The following CDKL5 variants were observed in gnomAD, a reference collection of about 807,000 sequenced individuals.
The protein encoded by CDKL5 is cyclin dependent kinase like 5, also known as cyclin-dependent kinase-like 5.
Under a neutral mutation model 61.7 loss-of-function variants are expected in CDKL5, and 8 were observed. The observed-to-expected ratio is 0.13, with a 90% CI of 0.08 to 0.23. CDKL5 has a LOEUF of 0.23. Among genes scored for constraint, CDKL5 ranks in the 10% least tolerant of loss-of-function variants. CDKL5 has a pLI of 1.00. For synonymous variants in CDKL5, 275 were observed against 272.3 expected (o/e 1.01, Z -0.10); for missense variants, 440 against 734.5 (o/e 0.60, Z 4.63).
chrX:18,569,360 A>G (rs1051946845), intron 4 of CDKL5, among the ~76,000 whole-genome samples: 8 of 111,870 alleles, frequency 7.2e-5, no homozygotes, highest in African/African-American at 1.9e-4. Context: ...CGTTCTGCTC[A>G]TTGTAATAGT....
At chrX:18,619,031 T>A (rs1444374255) in intron 15 of CDKL5, among the ~76,000 whole-genome samples, 1 of 111,307 alleles carries the variant, frequency 9.0e-6, no homozygotes, top group African/African-American at 3.3e-5. Flanking sequence ...TCATCATGTC[T>A]GAAGTTTTCT....
intron 14 of CDKL5, among the ~76,000 whole-genome samples, chrX:18,612,551 C>T (rs777772526): frequency 6.5e-5 from 7 of 108,377 alleles, no homozygotes; most frequent in Non-Finnish European, 1.3e-4. Context: ...TCCCAGCTAC[C>T]CAGGAGGCTA....
intron 12 of CDKL5, among the ~76,000 whole-genome samples, chrX:18,605,612 A>G (rs928400257): frequency 1.2e-4 from 13 of 111,786 alleles, no homozygotes; most frequent in Non-Finnish European, 2.3e-4. Flanking sequence ...AAACAAAAAC[A>G]AAAAAAACAA....
intron 21 of CDKL5, chrX:18,650,637 CTCGGAA>C: frequency 8.5e-7 from 1 of 1,170,110 alleles, no homozygotes; most frequent in Admixed American, 2.2e-5. Flanking sequence ...TGGGCTGTAC[CTCGGAA>C]TTGCCCGAGG....
At chrX:18,465,162 T>G (rs2147649775) in intron 1 of CDKL5, among the ~76,000 whole-genome samples, 1 of 111,528 alleles carries the variant, frequency 9.0e-6, no homozygotes, top group South Asian at 3.8e-4. Context: ...AATGACAGTG[T>G]CATTTGAAAA....
At chrX:18,543,361 T>C (rs1434334453) in intron 3 of CDKL5, among the ~76,000 whole-genome samples, 1 of 110,113 alleles carries the variant, frequency 9.1e-6, no homozygotes. Flanking sequence ...TTATTGGGCA[T>C]ATATGGGAGA....
At position 18,613,258 on chromosome X, in the gene CDKL5, A is replaced by T. The variant is rs1926621290; in HGVS notation, c.2259A>T (p.Gln753His). The T allele has an allele frequency of 8.3e-7, 1 of 1,199,911 alleles. No individual in the cohort carries two copies. The highest frequency in any genetic ancestry group is 1.8e-5 in the African/African-American group (1 of 56,726). ...CTGGAACCAACCACTCAAAAAGACAACCAGCATTCGATCCATGGTGAGCAT... is the reference window on the plus strand; with the variant it reads ...CTGGAACCAACCACTCAAAAAGACATCCAGCATTCGATCCATGGTGAGCAT... ...SSSGTNHSKR[Q>H]PAFDPWKSPE... The change falls in exon 15 of 18, where the codon CAA (glutamine) becomes CAT (histidine). Residue 753 changes from glutamine to histidine, a missense_variant. Physicochemically the swap from Gln to His is conservative, Grantham distance 24. This residue lies in a region of CDKL5 where 363 missense variants were observed against 516.3 expected (regional missense o/e 0.70). Coordinates refer to ENST00000623535, the MANE Select transcript of CDKL5 (RefSeq NM_001323289.2).
intron 3 of CDKL5, among the ~76,000 whole-genome samples, chrX:18,519,645 T>TAC (rs1923174608): frequency 9.0e-6 from 1 of 111,508 alleles, no homozygotes; most frequent in Admixed American, 9.6e-5. Context: ...GAGACGCATA[T>TAC]AGTCTATTTA....
chrX:18,648,511 G>A (rs1927888339), intron 20 of CDKL5, among the ~76,000 whole-genome samples: 1 of 110,963 alleles, frequency 9.0e-6, no homozygotes, highest in Non-Finnish European at 1.9e-5. Flanking sequence ...CAAGGCACTA[G>A]GGATTACAGG....
intron 1 of CDKL5, among the ~76,000 whole-genome samples, chrX:18,496,791 C>T (rs1476664054): frequency 9.0e-6 from 1 of 110,831 alleles, no homozygotes; most frequent in African/African-American, 3.3e-5. Context: ...CCCTGCTTTG[C>T]CTGACCTTAG....
intron 3 of CDKL5, among the ~76,000 whole-genome samples, chrX:18,556,098 C>T (rs754240446): frequency 1.4e-4 from 16 of 111,416 alleles, no homozygotes; most frequent in Non-Finnish European, 1.9e-5. Flanking sequence ...TAGAATGTAT[C>T]CTGTGCTTGA....
chrX:18,461,858 C>T (rs898173870), intron 1 of CDKL5, among the ~76,000 whole-genome samples: 3 of 111,836 alleles, frequency 2.7e-5, no homozygotes, highest in African/African-American at 9.7e-5. Context: ...TACCATGATA[C>T]AAGACCAACT....
chrX:18,559,165 G>C (rs1362941546), intron 3 of CDKL5, among the ~76,000 whole-genome samples: 1 of 112,178 alleles, frequency 8.9e-6, no homozygotes, highest in African/African-American at 3.2e-5. Context: ...TGCCAGTCCT[G>C]GTGGATCTCT....
At chrX:18,510,919 G>A (rs142471598) in intron 3 of CDKL5, 65 bp downstream of exon 3, 42 of 810,301 alleles carry the variant, frequency 5.2e-5, no homozygotes, top group Non-Finnish European at 3.1e-5. Context: ...CTAATGTAGT[G>A]GTCTTTGCGT....
intron 6 of CDKL5, among the ~76,000 whole-genome samples, chrX:18,580,274 T>C (rs1881914718): frequency 8.9e-6 from 1 of 111,817 alleles, no homozygotes; most frequent in Non-Finnish European, 1.9e-5. Context: ...AATGTGAACT[T>C]TGAAACTTAC....
At chrX:18,591,228 G>A (rs1925818905) in intron 9 of CDKL5, among the ~76,000 whole-genome samples, 1 of 111,612 alleles carries the variant, frequency 9.0e-6, no homozygotes, top group Admixed American at 9.5e-5. Context: ...TTCTTTACTT[G>A]TTAATTGTTA....
chrX:18,650,125 T>G, intron 20 of CDKL5: 1 of 386,377 alleles, frequency 2.6e-6, no homozygotes, highest in Non-Finnish European at 4.6e-6. Context: ...TTTTGCCATT[T>G]CTTCCCAAAT....
chrX:18,476,802 C>T (rs1205372075), intron 1 of CDKL5, among the ~76,000 whole-genome samples: 2 of 111,374 alleles, frequency 1.8e-5, no homozygotes, highest in Non-Finnish European at 3.8e-5. Flanking sequence ...GAGTCTCGCT[C>T]TGTCGCCATG....
chrX:18,493,958 A>G (rs1922075846), intron 1 of CDKL5, among the ~76,000 whole-genome samples: 1 of 111,813 alleles, frequency 8.9e-6, no homozygotes, highest in South Asian at 3.7e-4. Context: ...CTCATCACCC[A>G]GGCTAGAGTG....
Sources: gnomAD v4.1 joint callset for allele counts (sites outside exome capture counted in the v4.1 genomes callset) on GRCh38, gnomAD v4.1.1 for gene constraint, gnomAD v4.1.1 regional missense constraint, MANE v1.5 for transcripts, NCBI Gene and HGNC (gene_info 2026-07-23, HGNC 2026-07-21) for gene names.